SPATA33: variants seen among roughly 807,000 people sequenced by gnomAD.
SPATA33 encodes the protein spermatogenesis-associated protein 33.
Under a neutral mutation model 8.9 loss-of-function variants are expected in SPATA33, and 10 were observed. That is an observed-to-expected ratio of 1.12 (90% confidence interval 0.69 to 1.90). The LOEUF (loss-of-function observed/expected upper bound fraction) is 1.90. SPATA33 is among the 40% of genes most tolerant of loss of function. The pLI, the probability that SPATA33 is intolerant of heterozygous loss-of-function variation, is 0.00. For missense variants in SPATA33, 241 were observed against 178.3 expected (o/e 1.35, Z -2.00); for synonymous variants, 96 against 72.8 (o/e 1.32, Z -1.63).
At chr16:89,669,052 T>C (rs1260787841) in intron 2 of SPATA33, among the ~76,000 whole-genome samples, 5 of 152,178 alleles carry the variant, frequency 3.3e-5, no homozygotes, top group Admixed American at 2.6e-4. Context: ...GAAGTGTTTC[T>C]CCTGTTTTCT....
chr16:89,664,410 G>A (rs552307966), intron 2 of SPATA33, among the ~76,000 whole-genome samples: 4 of 152,250 alleles, frequency 2.6e-5, no homozygotes, highest in South Asian at 4.1e-4. Context: ...CCCTCCCCTC[G>A]AGTGTGGGTG....
At chr16:89,661,168 T>G in intron 2 of SPATA33, 3 of 985,408 alleles carry the variant, frequency 3.0e-6, no homozygotes, top group Non-Finnish European at 3.6e-6. Flanking sequence ...GGGGAGAAAG[T>G]TTGGCCATAA....
chr16:89,664,612 TAGGGCCCGACC>T (rs1298113500), intron 2 of SPATA33, among the ~76,000 whole-genome samples: 63 of 148,480 alleles, frequency 4.2e-4, no homozygotes, highest in Middle Eastern at 7.2e-3. Context: ...AGAGGCTCTT[TAGGGCCCGACC>T]TGATCAGGGA....
chr16:89,664,072 T>C (rs1452576556), intron 2 of SPATA33, among the ~76,000 whole-genome samples: 1 of 152,152 alleles, frequency 6.6e-6, no homozygotes, highest in Admixed American at 6.6e-5. Flanking sequence ...TGAGCCAAGA[T>C]CGTGCCACTG....
At chr16:89,660,376 A>G (rs948582247) in intron 2 of SPATA33, 5 of 902,244 alleles carry the variant, frequency 5.5e-6, no homozygotes, top group African/African-American at 1.7e-5. Flanking sequence ...GACCTCTGCC[A>G]GTAACGGAAG....
chr16:89,666,801 C>A (rs1307347402), intron 2 of SPATA33, among the ~76,000 whole-genome samples: 1 of 152,192 alleles, frequency 6.6e-6, no homozygotes, highest in Admixed American at 6.5e-5. Flanking sequence ...ACAGGGGGCC[C>A]TTCCCTGCCT....
intron 2 of SPATA33, 85 bp from the exon 3 acceptor site, chr16:89,669,201 T>C: frequency 2.3e-6 from 3 of 1,281,284 alleles, no homozygotes; most frequent in East Asian, 4.7e-5. Flanking sequence ...TTAATTCCTT[T>C]ACTCTGACCA....
chr16:89,668,050 G>A (rs141838589), intron 2 of SPATA33: 2,114 of 152,436 alleles, frequency 0.014, 30 homozygotes, highest in African/African-American at 0.037. Flanking sequence ...ATTGGCTCAC[G>A]CCTGTAATCC....
At chr16:89,661,009 C>T in intron 2 of SPATA33, 2 of 992,468 alleles carry the variant, frequency 2.0e-6, no homozygotes. Flanking sequence ...TCACATGCCT[C>T]CAACTGCCTG....
rs1567496610 is a variant in SPATA33, at chr16:89,670,394, G to A, written c.*897G>A. The A allele has an allele frequency of 6.6e-6, 1 of 152,360 alleles. No homozygotes were observed. Among genetic ancestry groups the A allele is most frequent in the Non-Finnish European group, 1.5e-5 (1 of 68,150 alleles). The allele number at this position is 152,360 out of a possible 1,614,324, so 9.4% of individuals were successfully genotyped here. On this transcript the variant is annotated 3_prime_UTR_variant, in exon 3 of 3. Transcript: ENST00000579310. ...CTAGCAGCTCGGTCGAGGCAAGAGTGACTGGCTCAGAGAGCGAGCTTTGTG... is the reference window on the plus strand; with the variant it reads ...CTAGCAGCTCGGTCGAGGCAAGAGTAACTGGCTCAGAGAGCGAGCTTTGTG...
intron 2 of SPATA33, among the ~76,000 whole-genome samples, chr16:89,664,589 C>G: frequency 1.3e-5 from 2 of 149,396 alleles, no homozygotes; most frequent in African/African-American, 2.5e-5. Flanking sequence ...GGAAGCCAGA[C>G]AGTAAAAGTG....
intron 2 of SPATA33, chr16:89,660,240 C>G (rs1430620954): frequency 1.5e-5 from 5 of 326,348 alleles, no homozygotes; most frequent in African/African-American, 6.4e-5. Context: ...AGGCATTGCT[C>G]CTTGCTTCAT....
Position 89,658,357 on chromosome 16 carries a change from T to C in SPATA33, c.147T>C (p.Pro49=). 6.2e-7 allele frequency: 1 copy of C among 1,613,708 alleles called. No individual in the cohort carries two copies. The highest frequency in any genetic ancestry group is 8.5e-7 in the Non-Finnish European group (1 of 1,180,018). ...ARQADRESEK[P]VDSLHPGAGT... ...AGGCAGACAGGGAGTCGGAGAAGCC[T>C]GTGGACAGCCTCCACCCGGGGGCCG... Residue 49 remains proline, a synonymous_variant, in exon 2 of 3, where the codon CCT becomes CCC. Transcript: ENST00000579310.
At chr16:89,665,725 C>T (rs2151532257) in intron 2 of SPATA33, among the ~76,000 whole-genome samples, 1 of 152,222 alleles carries the variant, frequency 6.6e-6, no homozygotes, top group Non-Finnish European at 1.5e-5. Flanking sequence ...TCAGTCAACA[C>T]CAAGTCAAAA....
chr16:89,658,535 C>G (rs2059918158), intron 2 of SPATA33, 114 bp downstream of exon 2: 2 of 1,366,958 alleles, frequency 1.5e-6, no homozygotes, highest in Admixed American at 5.5e-5. Flanking sequence ...AGGCACGCGC[C>G]GTAAAGATGA....
In SPATA33 at chr16:89,667,378, T is replaced by G. The variant is rs576885578; in HGVS notation, c.212-1908T>G. ...ATTATAATATTGGAATAAAGAGTAA[T>G]TGCTACAAATTAATTAATGATATTC... On this transcript the variant is annotated intron_variant, in intron 2 of 2. Transcript: ENST00000579310. Among the ~76,000 whole-genome samples, 7 of 152,296 alleles carry G rather than the reference T, an allele frequency of 4.6e-5. No homozygotes were observed. In the East Asian group the frequency reaches 1.2e-3, roughly 25 times the overall value.
chr16:89,662,271 G>C lies in SPATA33; in HGVS notation c.211+3850G>C, dbSNP rs143628861. The stretch of plus-strand genomic sequence containing the variant: ...ATCATCCCACTGCACTCCAGCCTGG[G>C]CAATGGAGTGAGACTCCATCTCAAA... On this transcript the variant is annotated intron_variant, in intron 2 of 2. Coordinates refer to ENST00000579310, the MANE Select transcript of SPATA33 (RefSeq NM_001271907.2). Among the ~76,000 whole-genome samples the C allele has an allele frequency of 3.0e-3, 447 of 148,620 alleles. 2 individuals carry two copies. The highest frequency in any genetic ancestry group is 0.011 in the African/African-American group (430 of 39,832).
chr16:89,666,163 C>A (rs1490238033), intron 2 of SPATA33, among the ~76,000 whole-genome samples: 1 of 151,916 alleles, frequency 6.6e-6, no homozygotes, highest in African/African-American at 2.4e-5. Context: ...CCCTCTGATA[C>A]TCAAGTAGGT....
At position 89,661,303 on chromosome 16, in the gene SPATA33, C is replaced by G; in HGVS notation, c.211+2882C>G. On this transcript the variant is annotated intron_variant, in intron 2 of 2. Transcript: ENST00000579310. ...AGGTGATTGAATTATGGGGGCAGGTCTTTCCTGTGCTGTTTTCGTGATAGT... is the reference window on the plus strand; with the variant it reads ...AGGTGATTGAATTATGGGGGCAGGTGTTTCCTGTGCTGTTTTCGTGATAGT... 4.2e-6 allele frequency: 3 copies of G among 708,224 alleles called. No individual in the cohort carries two copies. The South Asian group carries it at 1.9e-4, about 45-fold the overall frequency. 43.9% of individuals were successfully genotyped at this position (708,224 alleles called of 1,614,324 possible).
Sources: gnomAD v4.1 joint callset for allele counts (sites outside exome capture counted in the v4.1 genomes callset) on GRCh38, gnomAD v4.1.1 for gene constraint, MANE v1.5 for transcripts, NCBI Gene and HGNC (gene_info 2026-07-23, HGNC 2026-07-21) for gene names.